Variants in ADHFE1 observed in about 807,000 individuals in gnomAD.
The protein encoded by ADHFE1 is alcohol dehydrogenase iron containing 1.
In ADHFE1, 37 loss-of-function variants were observed where a neutral mutation model predicts 54.8. The ratio of observed to expected loss-of-function variants is 0.68; its 90% confidence interval spans 0.52 to 0.89. The LOEUF is 0.89. ADHFE1 is among the 40% of genes least tolerant of loss of function. ADHFE1 has a pLI of 0.00. For synonymous variants in ADHFE1, 203 were observed against 229.3 expected, an observed-to-expected ratio of 0.89 and a Z score of 1.04; for missense variants, 601 against 591.2, an observed-to-expected ratio of 1.02 and a Z score of -0.17.
chr8:66,456,515 T>C (rs1442218563), intron 10 of ADHFE1, among the ~76,000 whole-genome samples: 1 of 152,144 alleles, frequency 6.6e-6, no homozygotes, highest in Non-Finnish European at 1.5e-5. Context: ...AATTACCGAG[T>C]CTTTGAGATC....
At chr8:66,435,601 A>ATTT (rs533571994) in intron 1 of ADHFE1, among the ~76,000 whole-genome samples, 28 of 78,300 alleles carry the variant, frequency 3.6e-4, no homozygotes, top group Admixed American at 5.1e-4. Flanking sequence ...TCATTTCAAG[A>ATTT]TTTTTTTTTT....
chr8:66,457,720 C>T (rs1383694789), intron 12 of ADHFE1, among the ~76,000 whole-genome samples: 2 of 151,996 alleles, frequency 1.3e-5, no homozygotes, highest in African/African-American at 2.4e-5. Flanking sequence ...GACCAAAGCC[C>T]TATCTAGCAC....
chr8:66,459,417 T>C (rs1806767287), intron 12 of ADHFE1: 1 of 109,480 alleles, frequency 9.1e-6, no homozygotes, highest in African/African-American at 4.0e-5. Context: ...TTATTATATA[T>C]ATATATATAT....
At chr8:66,452,504 G>A (rs1183554176) in intron 9 of ADHFE1, among the ~76,000 whole-genome samples, 1 of 152,166 alleles carries the variant, frequency 6.6e-6, no homozygotes, top group African/African-American at 2.4e-5. Context: ...AGACATAAAT[G>A]TGGGCTGGGC....
intron 6 of ADHFE1, among the ~76,000 whole-genome samples, chr8:66,445,930 G>A (rs72652749): frequency 6.6e-6 from 1 of 152,220 alleles, no homozygotes; most frequent in Non-Finnish European, 1.5e-5. Flanking sequence ...GGGCACAGAC[G>A]TACAAATCCA....
intron 11 of ADHFE1, 51 bp from the exon 12 acceptor site, chr8:66,457,019 G>A: frequency 1.3e-6 from 2 of 1,582,572 alleles, no homozygotes; most frequent in Non-Finnish European, 1.7e-6. Context: ...AGAATATGCA[G>A]GGAAGAACAG....
intron 13 of ADHFE1, among the ~76,000 whole-genome samples, chr8:66,466,521 C>T (rs1807197590): frequency 6.9e-6 from 1 of 145,428 alleles, no homozygotes; most frequent in South Asian, 2.2e-4. Flanking sequence ...TTTAATACAT[C>T]CATCCTTCTT....
chr8:66,464,993 T>C (rs1807093227), intron 13 of ADHFE1, among the ~76,000 whole-genome samples: 1 of 152,230 alleles, frequency 6.6e-6, no homozygotes, highest in African/African-American at 2.4e-5. Context: ...CTGGCTTATT[T>C]CACCCAGCAC....
rs543672645 is a variant in ADHFE1, at chr8:66,441,014, C to T, written c.97+815C>T. ...CAAGCCAAGGGACCTCCCTGTCCATCATTAACTGTCATCTATGAGACAGAA... is the reference window on the plus strand; with the variant it reads ...CAAGCCAAGGGACCTCCCTGTCCATTATTAACTGTCATCTATGAGACAGAA... On this transcript the variant is annotated intron_variant, in intron 2 of 13. Transcript: ENST00000396623. 2.0e-3 allele frequency among the ~76,000 whole-genome samples: 306 copies of T among 152,330 alleles called. 1 individual carries two copies. Among genetic ancestry groups the T allele is most frequent in the Non-Finnish European group, 3.2e-3 (216 of 68,038 alleles).
intron 1 of ADHFE1, 26 bp downstream of exon 1, chr8:66,432,601 A>AG: frequency 7.8e-7 from 1 of 1,289,206 alleles, no homozygotes; most frequent in South Asian, 2.4e-5. Context: ...GCGGGCGGGC[A>AG]GGGGACCGCA....
rs76753915 is a variant in ADHFE1 at position 66,464,897 on chromosome 8, C to A, written c.1321-3372C>A. On this transcript the variant is annotated intron_variant, in intron 13 of 13. Coordinates refer to ENST00000396623, the MANE Select transcript of ADHFE1 (RefSeq NM_144650.3). ...CTCCCCTTCTCACAGCCCCTGGGAACCTCTGTCCTACTTTCTGTCTCTATG... is the reference window on the plus strand; with the variant it reads ...CTCCCCTTCTCACAGCCCCTGGGAAACTCTGTCCTACTTTCTGTCTCTATG... Among the ~76,000 whole-genome samples, 1,276 of 152,250 alleles carry A rather than the reference C, an allele frequency of 8.4e-3. 17 individuals are homozygous for A. The highest frequency in any genetic ancestry group is 0.029 in the African/African-American group (1,224 of 41,538).
intron 9 of ADHFE1, 133 bp downstream of exon 9, chr8:66,452,238 G>A (rs1806338459): frequency 1.6e-6 from 2 of 1,254,482 alleles, no homozygotes; most frequent in African/African-American, 1.5e-5. Flanking sequence ...ATGCGCAGAA[G>A]CCCCAGACAC....
rs762732753 is a variant in ADHFE1 at position 66,454,144 on chromosome 8, G to A, written c.973G>A (p.Gly325Ser). The A allele has an allele frequency of 5.0e-6, 8 of 1,613,796 alleles. No individual in the cohort carries two copies. The East Asian group carries it at 1.8e-4, about 36-fold the overall frequency. ...TGCTGGCATCGGCTTTGGAAATGCT[G>A]GTGTTCATCTGTGGTGAGCAAGTCT... Reference protein sequence around the residue: ...AFAGIGFGNAGVHLCHGMSYP... With the variant: ...AFAGIGFGNASVHLCHGMSYP... Residue 325 changes from glycine to serine, a missense_variant, in exon 10 of 14, where the codon GGT (glycine) becomes AGT (serine). Physicochemically the swap from Gly to Ser is moderately conservative, Grantham distance 56. Coordinates refer to ENST00000396623, the MANE Select transcript of ADHFE1 (RefSeq NM_144650.3).
chr8:66,458,228 TA>T (rs917711185), intron 12 of ADHFE1, among the ~76,000 whole-genome samples: 5 of 152,324 alleles, frequency 3.3e-5, no homozygotes, highest in African/African-American at 1.2e-4. Flanking sequence ...AGGGAAAGGC[TA>T]AAAAGAAAAC....
rs566763112 is a variant in ADHFE1 at position 66,456,140 on chromosome 8, A to T, written c.987-677A>T. On this transcript the variant is annotated intron_variant, in intron 10 of 13. Coordinates refer to ENST00000396623, the MANE Select transcript of ADHFE1 (RefSeq NM_144650.3). ...GGTGACAGAGTGAGATACCATCTCT[A>T]AAAAAAAAAAGAATTTTTCAGTAAA... 3.3e-4 allele frequency among the ~76,000 whole-genome samples: 47 copies of T among 143,766 alleles called. No individual in the cohort carries two copies. In the East Asian group the frequency reaches 7.3e-3, roughly 22 times the overall value. The allele number at this position is 143,766 out of a possible 152,430, so 94.3% of individuals were successfully genotyped here. A position where few individuals can be genotyped will look rare whatever the true frequency, so the allele number is the denominator to read the frequency against.
intron 1 of ADHFE1, among the ~76,000 whole-genome samples, chr8:66,435,092 A>G (rs538237360): frequency 6.6e-6 from 1 of 152,332 alleles, no homozygotes; most frequent in Admixed American, 6.5e-5. Context: ...GGGATAGATG[A>G]CAAACTAGTT....
In ADHFE1 at chr8:66,457,136, G is replaced by C; in HGVS notation, c.1132G>C (p.Glu378Gln). The C allele has an allele frequency of 1.9e-6, 3 of 1,613,562 alleles. No homozygotes were observed. Among genetic ancestry groups the C allele is most frequent in the East Asian group, 2.2e-5 (1 of 44,866 alleles). ...VFTFTAQMFP[E>Q]RHLEMAEILG... ...CACTTTCACGGCCCAGATGTTTCCA[G>C]AGCGACACCTGGAGATGGCAGAAAT... The change falls in exon 12 of 14, where the codon GAG becomes CAG. Residue 378 changes from glutamate (E) to glutamine (Q), a missense_variant. Coordinates refer to ENST00000396623, the MANE Select transcript of ADHFE1 (RefSeq NM_144650.3).
At chr8:66,455,689 C>T (rs968519564) in intron 10 of ADHFE1, among the ~76,000 whole-genome samples, 11 of 152,220 alleles carry the variant, frequency 7.2e-5, no homozygotes, top group Non-Finnish European at 1.0e-4. Context: ...CCGAGTTGGA[C>T]GGATCCCTTG....
chr8:66,432,744 CAG>C (rs747957226), intron 1 of ADHFE1, 169 bp downstream of exon 1: 142 of 1,231,660 alleles, frequency 1.2e-4, no homozygotes, highest in Non-Finnish European at 1.4e-4. Context: ...AGCGAGGTCA[CAG>C]AGTGCGCGAT....
Sources: gnomAD v4.1 joint callset for allele counts (sites outside exome capture counted in the v4.1 genomes callset) on GRCh38, gnomAD v4.1.1 for gene constraint, MANE v1.5 for transcripts, NCBI Gene and HGNC (gene_info 2026-07-23, HGNC 2026-07-21) for gene names.